The following PHF3 variants were observed in gnomAD, a reference collection of about 807,000 sequenced individuals.
PHF3 encodes the protein PHD finger protein 3.
A neutral mutation model predicts 178.4 loss-of-function variants in PHF3; 41 were observed. That is an observed-to-expected ratio of 0.23 (90% CI 0.18 to 0.30). The LOEUF is 0.30. Ranked by LOEUF, PHF3 falls within the 10% of genes least tolerant of loss-of-function variation. The pLI is 1.00. For synonymous variants in PHF3, 842 were observed against 800.5 expected, an observed-to-expected ratio of 1.05 and a Z score of -0.88; for missense variants, 2,346 against 2,398.1, an observed-to-expected ratio of 0.98 and a Z score of 0.45.
At chr6:63,668,525 A>G (rs1765773160) in intron 2 of PHF3, among the ~76,000 whole-genome samples, 1 of 151,922 alleles carries the variant, frequency 6.6e-6, no homozygotes, top group South Asian at 2.1e-4. Flanking sequence ...TTATTTTTGT[A>G]TAGATGGGGT....
Position 63,684,753 on chromosome 6 carries a change from T to C in PHF3, c.1031T>C (p.Ile344Thr), listed in dbSNP as rs746476185. 8 of 1,614,048 alleles carry C rather than the reference T, an allele frequency of 5.0e-6. No homozygotes were observed. The East Asian group carries it at 6.7e-5, about 13-fold the overall frequency. Residue 344 changes from isoleucine (I) to threonine (T), a missense_variant, in exon 4 of 16, where the codon ATT (isoleucine) becomes ACT (threonine). Around this residue, in one of 8 missense-constraint regions of PHF3, gnomAD observed 843 missense variants for 795.2 expected, o/e 1.06. Coordinates refer to ENST00000262043, the MANE Select transcript of PHF3 (RefSeq NM_001370348.2). ...CTTGAGGACGCTGGATCTTCTGATATTTCTAGTGATGCTGCTTGTACAAAT... is the reference window on the plus strand; with the variant it reads ...CTTGAGGACGCTGGATCTTCTGATACTTCTAGTGATGCTGCTTGTACAAAT... The part of the protein sequence containing the change: ...HILEDAGSSD[I>T]SSDAACTNPN...
At chr6:63,660,514 A>G (rs1765421657) in intron 2 of PHF3, among the ~76,000 whole-genome samples, 1 of 152,114 alleles carries the variant, frequency 6.6e-6, no homozygotes. Flanking sequence ...CAGTGGACAT[A>G]CAATGTTGAG....
In PHF3 at chr6:63,713,061, C is replaced by T. The variant is rs756451843; in HGVS notation, c.5473C>T (p.Pro1825Ser). 2 of 1,614,034 alleles carry T rather than the reference C, an allele frequency of 1.2e-6. No homozygotes were observed. Among genetic ancestry groups the T allele is most frequent in the Admixed American group, 3.3e-5 (2 of 59,998 alleles). The change falls in exon 16 of 16, where the codon CCA (proline) becomes TCA (serine). Residue 1825 changes from proline to serine, a missense_variant. Pro to Ser is a moderately conservative substitution (Grantham distance 74). Transcript: ENST00000262043. Reference sequence around the variant, plus strand: ...ATTTCCAGGGCCTCCTAATTTTCCCCCACAAAGCATGTTTGGATTTCCACC... The same window carrying T: ...ATTTCCAGGGCCTCCTAATTTTCCCTCACAAAGCATGTTTGGATTTCCACC... ...FPFPGPPNFP[P>S]QSMFGFPPHL... is the part of the protein sequence containing the mutation.
At chr6:63,711,538 G>A in intron 15 of PHF3, 48 bp from the exon 16 acceptor site, 1 of 1,491,382 alleles carries the variant, frequency 6.7e-7, no homozygotes, top group Non-Finnish European at 9.0e-7. Context: ...ACCTTTTTTT[G>A]CAATGATTGA....
In PHF3 at chr6:63,711,854, A is replaced by G; in HGVS notation, c.4266A>G (p.Pro1422=). 1.2e-6 allele frequency: 2 copies of G among 1,614,094 alleles called. No homozygotes were observed. Among genetic ancestry groups the G allele is most frequent in the Non-Finnish European group, 1.7e-6 (2 of 1,179,964 alleles). ...KPQQNLQEDL[P]TAVEPLMEVT... is the part of the protein sequence containing the mutation. ...AGCAGAATCTTCAGGAAGACCTTCC[A>G]ACAGCAGTTGAACCTTTAATGGAAG... The change falls in exon 16 of 16, where the codon CCA becomes CCG. Residue 1422 remains proline (P), a synonymous_variant. Transcript: ENST00000262043.
At chr6:63,666,172 A>G (rs373779886) in intron 2 of PHF3, among the ~76,000 whole-genome samples, 6 of 152,156 alleles carry the variant, frequency 3.9e-5, no homozygotes. Context: ...TGAAGGAGTG[A>G]CCAATTTAGA....
intron 2 of PHF3, among the ~76,000 whole-genome samples, chr6:63,675,352 C>T (rs1466794468): frequency 6.6e-6 from 1 of 152,164 alleles, no homozygotes; most frequent in African/African-American, 2.4e-5. Context: ...AAAGGTCAAA[C>T]TCAGCTTAAC....
At chr6:63,658,538 C>T (rs898243846) in intron 2 of PHF3, among the ~76,000 whole-genome samples, 2 of 151,932 alleles carry the variant, frequency 1.3e-5, no homozygotes, top group Non-Finnish European at 2.9e-5. Context: ...ATTTTGGAAC[C>T]CTCTCCGTTG....
intron 5 of PHF3, 47 bp from the exon 6 acceptor site, chr6:63,694,534 A>G: frequency 7.8e-7 from 1 of 1,281,204 alleles, no homozygotes; most frequent in Non-Finnish European, 1.0e-6. Context: ...AAAAACAAAG[A>G]TTGTTTAGTT....
rs201000796 is a variant in PHF3 at position 63,694,586 on chromosome 6, T to C, written c.2502T>C (p.Ser834=). 3.3e-6 allele frequency: 5 copies of C among 1,498,000 alleles called. No homozygotes were observed. Among genetic ancestry groups the C allele is most frequent in the Non-Finnish European group, 4.5e-6 (5 of 1,122,348 alleles). 92.8% of individuals were successfully genotyped at this position (1,498,000 alleles called of 1,614,324 possible). A position where few individuals can be genotyped will look rare whatever the true frequency, so the allele number is the denominator to read the frequency against. The part of the protein sequence containing the change: ...KHKVKILKRE[S]GEGRNSSDCR... The stretch of plus-strand genomic sequence containing the variant: ...ATTAAGTACTCATTTTCCAGGAGTC[T>C]GGTGAAGGCAGAAATTCATCAGACT... Residue 834 remains serine (S), a synonymous_variant, in exon 6 of 16, where the codon TCT becomes TCC. Transcript: ENST00000262043.
chr6:63,679,616 C>T (rs1253942566), intron 2 of PHF3: 2 of 318,022 alleles, frequency 6.3e-6, no homozygotes, highest in Non-Finnish European at 1.2e-5. Context: ...CTAGCATGAA[C>T]CTAGAATCTT....
At chr6:63,665,609 C>A (rs983923825) in intron 2 of PHF3, among the ~76,000 whole-genome samples, 1 of 151,326 alleles carries the variant, frequency 6.6e-6, no homozygotes, top group Non-Finnish European at 1.5e-5. Context: ...CCTCAGCCAC[C>A]CAAGCAGCTG....
At chr6:63,702,121 T>C (rs374683080) in intron 9 of PHF3, among the ~76,000 whole-genome samples, 104 of 152,334 alleles carry the variant, frequency 6.8e-4, no homozygotes, top group Middle Eastern at 3.4e-3. Context: ...TGTTAGAACA[T>C]TGAATTAGGA....
chr6:63,647,144 A>G (rs1401753246), intron 2 of PHF3, among the ~76,000 whole-genome samples: 1 of 152,040 alleles, frequency 6.6e-6, no homozygotes, highest in Non-Finnish European at 1.5e-5. Flanking sequence ...TTTAGTAAAT[A>G]GGGATTGCCC....
chr6:63,706,722 T>C lies in PHF3; in HGVS notation c.3564-7T>C. 6.2e-7 allele frequency: 1 copy of C among 1,612,212 alleles called. No individual in the cohort carries two copies. ...TTGTCTTTAGGCTTTTTAATGTCAT[T>C]TTCTAGTCCAGAGATGCCTGGAACT... On this transcript the variant is annotated splice_polypyrimidine_tract_variant and splice_region_variant and intron_variant, in intron 12 of 15. Coordinates refer to ENST00000262043, the MANE Select transcript of PHF3 (RefSeq NM_001370348.2).
intron 5 of PHF3, among the ~76,000 whole-genome samples, chr6:63,694,209 C>T (rs965098915): frequency 6.6e-6 from 1 of 152,056 alleles, no homozygotes. Context: ...TTAAAATTGC[C>T]AATAGGCATA....
At chr6:63,688,384 G>A (rs1199211195) in intron 4 of PHF3, among the ~76,000 whole-genome samples, 4 of 113,284 alleles carry the variant, frequency 3.5e-5, no homozygotes, top group Admixed American at 1.9e-4. Context: ...GCCCAGGGGT[G>A]GAGAGCAGTG....
rs778337630 is a variant in PHF3 at position 63,698,345 on chromosome 6, C to T, written c.2803C>T (p.Leu935Phe). The change falls in exon 7 of 16, where the codon CTC becomes TTC. Residue 935 changes from leucine (L) to phenylalanine (F), a missense_variant. Coordinates refer to ENST00000262043, the MANE Select transcript of PHF3 (RefSeq NM_001370348.2). Reference sequence around the variant, plus strand: ...GATCAGGCAAAGTGTCAGACATTCTCTCAAAGACATTCTTATGAAGAGGTA... The same window carrying T: ...GATCAGGCAAAGTGTCAGACATTCTTTCAAAGACATTCTTATGAAGAGGTA... ...DQIRQSVRHS[L>F]KDILMKRLTD... 6.2e-7 allele frequency: 1 copy of T among 1,610,930 alleles called. No individual in the cohort carries two copies.
intron 6 of PHF3, among the ~76,000 whole-genome samples, chr6:63,697,230 A>G (rs2149597120): frequency 6.6e-6 from 1 of 152,266 alleles, no homozygotes; most frequent in East Asian, 1.9e-4. Context: ...TGGTAGGGGG[A>G]AGAACTAATG....
Sources: gnomAD v4.1 joint callset for allele counts (sites outside exome capture counted in the v4.1 genomes callset) on GRCh38, gnomAD v4.1.1 for gene constraint, gnomAD v4.1.1 regional missense constraint, MANE v1.5 for transcripts, NCBI Gene and HGNC (gene_info 2026-07-23, HGNC 2026-07-21) for gene names.